Variants in POU6F2 observed in about 807,000 individuals in gnomAD.
The protein encoded by POU6F2 is POU class 6 homeobox 2.
In POU6F2, 31 loss-of-function variants were observed where a neutral mutation model predicts 71.3. The ratio of observed to expected loss-of-function variants is 0.43; its 90% confidence interval spans 0.33 to 0.59. The LOEUF (loss-of-function observed/expected upper bound fraction) is 0.59, where lower values mean the gene tolerates loss of function less well. Ranked by LOEUF, POU6F2 falls within the 20% of genes least tolerant of loss-of-function variation. The pLI is 0.04. For missense variants in POU6F2, 783 were observed against 856.8 expected, an observed-to-expected ratio of 0.91 and a Z score of 1.07; for synonymous variants, 347 against 355.7, an observed-to-expected ratio of 0.98 and a Z score of 0.27.
At chr7:39,115,478 T>C (rs1462127084) in intron 2 of POU6F2, among the ~76,000 whole-genome samples, 1 of 152,198 alleles carries the variant, frequency 6.6e-6, no homozygotes, top group East Asian at 1.9e-4. Context: ...CACTGTTCCC[T>C]GGGCCCAGTA....
intron 4 of POU6F2, among the ~76,000 whole-genome samples, chr7:39,263,082 G>A (rs1295628109): frequency 6.6e-6 from 1 of 152,166 alleles, no homozygotes; most frequent in Non-Finnish European, 1.5e-5. Context: ...CACATTTTTA[G>A]AGACCTCTTT....
chr7:39,335,264 C>T (rs1424076462), intron 4 of POU6F2, among the ~76,000 whole-genome samples: 9 of 152,164 alleles, frequency 5.9e-5, no homozygotes, highest in East Asian at 5.8e-4. Flanking sequence ...TATAATAACT[C>T]GTGGCTCATA....
chr7:39,098,938 C>G (rs1160907891), intron 2 of POU6F2, among the ~76,000 whole-genome samples: 1 of 152,170 alleles, frequency 6.6e-6, no homozygotes, highest in Non-Finnish European at 1.5e-5. Context: ...CCATGCTTCT[C>G]CATAAGGAAA....
intron 4 of POU6F2, among the ~76,000 whole-genome samples, chr7:39,335,025 G>A (rs1168719800): frequency 6.6e-6 from 1 of 152,186 alleles, no homozygotes; most frequent in African/African-American, 2.4e-5. Context: ...TGTGGACAAG[G>A]TAAACTGATG....
At chr7:39,250,509 T>C (rs572916237) in intron 4 of POU6F2, among the ~76,000 whole-genome samples, 2 of 152,314 alleles carry the variant, frequency 1.3e-5, no homozygotes, top group African/African-American at 4.8e-5. Flanking sequence ...TTAACCTACT[T>C]TGGCCCTGTT....
chr7:39,161,603 T>C (rs1026414061), intron 2 of POU6F2, among the ~76,000 whole-genome samples: 2 of 152,108 alleles, frequency 1.3e-5, no homozygotes, highest in Non-Finnish European at 2.9e-5. Flanking sequence ...GAACGGCCCA[T>C]GTAAACTGAT....
chr7:39,027,827 A>G (rs1789848368), intron 1 of POU6F2, among the ~76,000 whole-genome samples: 1 of 152,156 alleles, frequency 6.6e-6, no homozygotes, highest in Non-Finnish European at 1.5e-5. Flanking sequence ...TGCTTTGTAC[A>G]TTCTGGATTT....
At position 39,187,001 on chromosome 7, in the gene POU6F2, G is replaced by A. The variant is rs113360385; in HGVS notation, c.278-17234G>A. On this transcript the variant is annotated intron_variant, in intron 2 of 9. Transcript: ENST00000518318. ...TGCCTACTAATGTGATCGCCAAGGT[G>A]GTCTCTTGTCTCCCTTCAAATATAA... Among the ~76,000 whole-genome samples the A allele has an allele frequency of 1.8e-3, 281 of 152,296 alleles. 4 individuals are homozygous for A. Among genetic ancestry groups the A allele is most frequent in the African/African-American group, 6.4e-3 (266 of 41,564 alleles).
chr7:39,208,154 T>C (rs777264205), intron 4 of POU6F2, among the ~76,000 whole-genome samples: 3 of 152,238 alleles, frequency 2.0e-5, no homozygotes, highest in Non-Finnish European at 4.4e-5. Flanking sequence ...ATGAGAAAAA[T>C]AGACTTGTAT....
chr7:39,053,924 G>A (rs912140730), intron 1 of POU6F2, among the ~76,000 whole-genome samples: 6 of 151,980 alleles, frequency 3.9e-5, no homozygotes, highest in African/African-American at 1.4e-4. Flanking sequence ...TCAACATAGT[G>A]AAACCCTGTC....
intron 8 of POU6F2, among the ~76,000 whole-genome samples, chr7:39,459,486 T>C (rs985554608): frequency 1.3e-5 from 2 of 152,106 alleles, no homozygotes; most frequent in African/African-American, 2.4e-5. Context: ...TTGTTTTGTT[T>C]TGTTTTGTTT....
At chr7:39,249,195 G>A (rs1222045579) in intron 4 of POU6F2, among the ~76,000 whole-genome samples, 2 of 152,200 alleles carry the variant, frequency 1.3e-5, no homozygotes, top group Non-Finnish European at 2.9e-5. Flanking sequence ...TTAATGTGCT[G>A]TCACAACAAT....
intron 4 of POU6F2, among the ~76,000 whole-genome samples, chr7:39,246,880 C>A (rs1257948439): frequency 2.7e-5 from 4 of 147,342 alleles, no homozygotes; most frequent in African/African-American, 1.0e-4. Flanking sequence ...GAGACACAAT[C>A]CAGCTCACCC....
intron 2 of POU6F2, among the ~76,000 whole-genome samples, chr7:39,145,264 G>A (rs911435335): frequency 1.3e-5 from 2 of 152,120 alleles, no homozygotes; most frequent in African/African-American, 2.4e-5. Context: ...AGTGAGACAA[G>A]GTACTATGCT....
At chr7:39,278,483 G>T (rs1201473751) in intron 4 of POU6F2, among the ~76,000 whole-genome samples, 3 of 152,136 alleles carry the variant, frequency 2.0e-5, no homozygotes, top group Non-Finnish European at 4.4e-5. Context: ...CTCTAATGAG[G>T]ATGCCTGGCA....
At chr7:39,069,401 G>A (rs1400252407) in intron 1 of POU6F2, among the ~76,000 whole-genome samples, 4 of 152,306 alleles carry the variant, frequency 2.6e-5, no homozygotes, top group South Asian at 2.1e-4. Flanking sequence ...TTTCATGCCC[G>A]GAGAGTCCCG....
chr7:39,146,167 G>A (rs756465020), intron 2 of POU6F2, among the ~76,000 whole-genome samples: 27 of 152,172 alleles, frequency 1.8e-4, no homozygotes, highest in Admixed American at 6.5e-4. Context: ...TTCAAAGGAG[G>A]GAGGAGGCAT....
At chr7:39,008,971 T>C (rs1789176924) in intron 1 of POU6F2, among the ~76,000 whole-genome samples, 1 of 152,194 alleles carries the variant, frequency 6.6e-6, no homozygotes, top group South Asian at 2.1e-4. Flanking sequence ...CCTCCAGCTT[T>C]GTTCTTTTGG....
rs563779360 is a variant in POU6F2, at chr7:39,009,950, T to A, written c.105+31892T>A. ...CAGTATTTTATTGAGGATTTTTGCA[T>A]CGATGTTCATCAAGGATACTGGTCT... On this transcript the variant is annotated intron_variant, in intron 1 of 9. Transcript: ENST00000518318. Among the ~76,000 whole-genome samples the A allele has an allele frequency of 2.5e-3, 379 of 152,196 alleles. 2 individuals carry two copies. Among genetic ancestry groups the A allele is most frequent in the African/African-American group, 8.7e-3 (361 of 41,530 alleles).
Sources: allele counts gnomAD v4.1 joint callset (sites outside exome capture counted in the v4.1 genomes callset), GRCh38; gene constraint gnomAD v4.1.1; transcripts MANE v1.5; gene names NCBI Gene and HGNC (gene_info 2026-07-23, HGNC 2026-07-21).